EIF2A: variants seen among roughly 807,000 people sequenced by gnomAD.
EIF2A encodes eukaryotic translation initiation factor 2A, also known as 65 kDa eukaryotic translation initiation factor 2A.
In EIF2A, 62 loss-of-function variants were observed where a neutral mutation model predicts 75.2. The ratio of observed to expected loss-of-function variants is 0.82; its 90% CI spans 0.67 to 1.02. The LOEUF is 1.02. EIF2A is among the 50% of genes least tolerant of loss of function. EIF2A has a pLI of 0.00. For missense variants in EIF2A, 611 were observed against 677.7 expected, an observed-to-expected ratio of 0.90 and a Z score of 1.09; for synonymous variants, 207 against 239.0, an observed-to-expected ratio of 0.87 and a Z score of 1.23.
At chr3:150,567,530 C>T in intron 6 of EIF2A, 163 bp from the exon 7 acceptor site, 2 of 569,622 alleles carry the variant, frequency 3.5e-6, no homozygotes, top group South Asian at 5.0e-5. Context: ...TGTCTTGCTC[C>T]TACCCCATGC....
At chr3:150,563,682 G>T in intron 5 of EIF2A, 68 bp downstream of exon 5, 1 of 1,153,218 alleles carries the variant, frequency 8.7e-7, no homozygotes, top group South Asian at 1.7e-5. Flanking sequence ...TATAATATTT[G>T]TTTTCCTGAT....
rs1351414888 is a variant in EIF2A, at chr3:150,584,867, C to T, written c.*956C>T. Among the ~76,000 whole-genome samples, 7 of 151,720 alleles carry T rather than the reference C, an allele frequency of 4.6e-5. No individual in the cohort carries two copies. Among genetic ancestry groups the T allele is most frequent in the African/African-American group, 9.7e-5 (4 of 41,254 alleles). ...AATTTTTAAAGAAAAAGTATACACA[C>T]AGGACTTTTTTTTTTCTAATTCAAA... On this transcript the variant is annotated 3_prime_UTR_variant, in exon 14 of 14. Transcript: ENST00000460851.
At position 150,572,430 on chromosome 3, in the gene EIF2A, C is replaced by T; in HGVS notation, c.1284C>T (p.Tyr428=). The change falls in exon 10 of 14, where the codon TAC becomes TAT. Residue 428 remains tyrosine, a synonymous_variant. Transcript: ENST00000460851. ...DGIFPAKTIT[Y]QAVPSEVPNE... ...TATTTCCAGCAAAAACAATAACTTA[C>T]CAAGCAGTTCCAAGTGAAGTACCCA... The T allele has an allele frequency of 6.2e-7, 1 of 1,613,994 alleles. No individual in the cohort carries two copies. Among genetic ancestry groups the T allele is most frequent in the Non-Finnish European group, 8.5e-7 (1 of 1,179,874 alleles).
intron 10 of EIF2A, among the ~76,000 whole-genome samples, chr3:150,572,855 CAAA>C (rs774758560): frequency 9.8e-6 from 1 of 101,994 alleles, no homozygotes. Flanking sequence ...GACTCCGTCT[CAAA>C]AAAAAAAAAA....
In EIF2A at chr3:150,568,197, C is replaced by G; in HGVS notation, c.716C>G (p.Ala239Gly). The change falls in exon 9 of 14, where the codon GCT becomes GGT. Residue 239 changes from alanine (A) to glycine (G), a missense_variant. Ala to Gly is a moderately conservative substitution (Grantham distance 60). Transcript: ENST00000460851. ...NKKATAVLVI[A>G]STDVDKTGAS... ...ATAGCTACTGCTGTGTTGGTAATAG[C>G]TAGCACAGATGTTGACAAGACAGGA... The G allele has an allele frequency of 6.2e-7, 1 of 1,613,220 alleles. No individual in the cohort carries two copies. Among genetic ancestry groups the G allele is most frequent in the Non-Finnish European group, 8.5e-7 (1 of 1,179,622 alleles).
At chr3:150,582,469 C>G (rs542109759) in intron 12 of EIF2A, among the ~76,000 whole-genome samples, 3 of 152,082 alleles carry the variant, frequency 2.0e-5, no homozygotes, top group Non-Finnish European at 2.9e-5. Flanking sequence ...CGCCTGCCAC[C>G]ACACCTGGCT....
chr3:150,575,697 A>T lies in EIF2A; in HGVS notation c.1432A>T (p.Lys478Ter), dbSNP rs1437840473. The change falls in exon 11 of 14, where the codon AAG becomes TAG. Residue 478 changes from lysine to a stop codon, truncating the protein, a stop_gained. Transcript: ENST00000460851. LOFTEE classifies it high-confidence loss of function. ...QNMKPQSGND[K>*]PLSKTALKNQ... Reference sequence around the variant, plus strand: ...TATGAAACCACAATCAGGAAACGATAAGCCATTATCAAAAACAGCTCTTAA... The same window carrying T: ...TATGAAACCACAATCAGGAAACGATTAGCCATTATCAAAAACAGCTCTTAA... The T allele has an allele frequency of 6.2e-7, 1 of 1,613,390 alleles. No homozygotes were observed. Among genetic ancestry groups the T allele is most frequent in the Non-Finnish European group, 8.5e-7 (1 of 1,179,700 alleles).
At chr3:150,548,793 C>T (rs992814867) in intron 1 of EIF2A, among the ~76,000 whole-genome samples, 1 of 152,204 alleles carries the variant, frequency 6.6e-6, no homozygotes, top group Non-Finnish European at 1.5e-5. Context: ...GTTGTCTGTT[C>T]AGTCTACTCT....
intron 6 of EIF2A, chr3:150,565,668 C>T (rs1467822499): frequency 6.4e-6 from 1 of 155,696 alleles, no homozygotes; most frequent in Non-Finnish European, 1.4e-5. Context: ...AAGCAATTCT[C>T]CTGCCTCAGC....
intron 1 of EIF2A, among the ~76,000 whole-genome samples, chr3:150,551,794 T>C (rs1398151143): frequency 6.6e-6 from 1 of 152,194 alleles, no homozygotes; most frequent in Non-Finnish European, 1.5e-5. Context: ...TTATTTAATC[T>C]TGAACTTTGT....
Position 150,567,546 on chromosome 3 carries a change from C to T in EIF2A, c.476-147C>T, listed in dbSNP as rs1222530579. 8.4e-6 allele frequency: 5 copies of T among 596,480 alleles called. No individual in the cohort carries two copies. The East Asian group carries it at 1.5e-4, about 18-fold the overall frequency. The allele number at this position is 596,480 out of a possible 1,614,324, so 36.9% of individuals were successfully genotyped here. A position where few individuals can be genotyped will look rare whatever the true frequency, so the allele number is the denominator to read the frequency against. On this transcript the variant is annotated intron_variant, in intron 6 of 13. Coordinates refer to ENST00000460851, the MANE Select transcript of EIF2A (RefSeq NM_032025.5). ...GTCTTGCTCCTACCCCATGCTTTTT[C>T]CACTGTGTTACTGTATCTCACCAGG...
chr3:150,548,386 A>G (rs1191954234), intron 1 of EIF2A, among the ~76,000 whole-genome samples: 3 of 152,230 alleles, frequency 2.0e-5, no homozygotes, highest in African/African-American at 7.2e-5. Flanking sequence ...CTTACTAAGT[A>G]GGATAATTAG....
chr3:150,577,830 A>G (rs1387669620), intron 11 of EIF2A, among the ~76,000 whole-genome samples: 2 of 152,106 alleles, frequency 1.3e-5, no homozygotes, highest in East Asian at 1.9e-4. Flanking sequence ...GGCAGTTACT[A>G]TTTTAAGGTA....
intron 6 of EIF2A, chr3:150,567,218 C>A (rs1038807554): frequency 2.0e-5 from 3 of 152,608 alleles, no homozygotes; most frequent in African/African-American, 7.2e-5. Context: ...CTCTTAATAT[C>A]AGCCATTGTT....
At chr3:150,557,573 A>C in intron 2 of EIF2A, 1 of 251,472 alleles carries the variant, frequency 4.0e-6, no homozygotes, top group Admixed American at 5.7e-5. Flanking sequence ...CTAATTTTTG[A>C]ATTTTTATTA....
intron 11 of EIF2A, among the ~76,000 whole-genome samples, chr3:150,579,937 G>A (rs1291398690): frequency 6.6e-6 from 1 of 151,836 alleles, no homozygotes; most frequent in Non-Finnish European, 1.5e-5. Flanking sequence ...GAAACCCTAC[G>A]TTGGAGCCAA....
chr3:150,564,516 A>G (rs1024254136), intron 6 of EIF2A, 135 bp downstream of exon 6: 7 of 579,006 alleles, frequency 1.2e-5, no homozygotes, highest in African/African-American at 1.9e-5. Flanking sequence ...ATACATTTGC[A>G]TAATTCTTTA....
chr3:150,549,041 G>T (rs187043072), intron 1 of EIF2A, among the ~76,000 whole-genome samples: 101 of 152,074 alleles, frequency 6.6e-4, no homozygotes, highest in African/African-American at 2.4e-3. Context: ...TTAGAGCTGT[G>T]AATAATTTGC....
chr3:150,571,970 C>T lies in EIF2A; in HGVS notation c.824C>T (p.Pro275Leu). 1 of 1,597,654 alleles carries T rather than the reference C, an allele frequency of 6.3e-7. No individual in the cohort carries two copies. The highest frequency in any genetic ancestry group is 8.5e-7 in the Non-Finnish European group (1 of 1,173,202). The part of the protein sequence containing the change: ...SAVVQLPKNG[P>L]IYDVVWNSSS... ...ATTCTTTTTCTAGCAAAAAATGGCCCCATTTATGATGTAGTTTGGAATTCT... is the reference window on the plus strand; with the variant it reads ...ATTCTTTTTCTAGCAAAAAATGGCCTCATTTATGATGTAGTTTGGAATTCT... The change falls in exon 10 of 14, where the codon CCC becomes CTC. Residue 275 changes from proline (P) to leucine (L), a missense_variant. Pro to Leu is a moderately conservative substitution (Grantham distance 98). Coordinates refer to ENST00000460851, the MANE Select transcript of EIF2A (RefSeq NM_032025.5).
Sources: gnomAD v4.1 joint callset for allele counts (sites outside exome capture counted in the v4.1 genomes callset) on GRCh38, gnomAD v4.1.1 for gene constraint, MANE v1.5 for transcripts, NCBI Gene and HGNC (gene_info 2026-07-23, HGNC 2026-07-21) for gene names.